SELENOF: variants seen among roughly 807,000 people sequenced by gnomAD.
The protein encoded by SELENOF is selenoprotein F, also known as 15 kDa selenoprotein.
Under a neutral mutation model 20.5 loss-of-function variants are expected in SELENOF, and 16 were observed. The observed-to-expected ratio is 0.78, with a 90% CI of 0.53 to 1.19. SELENOF has a LOEUF of 1.19. Among genes scored for constraint, SELENOF ranks in the 50% most tolerant of loss-of-function variants. The pLI is 0.00. For missense variants in SELENOF, 215 were observed against 194.2 expected, an observed-to-expected ratio of 1.11 and a Z score of -0.64; for synonymous variants, 78 against 74.5, an observed-to-expected ratio of 1.05 and a Z score of -0.24.
chr1:86,907,997 A>AG (rs1239080839), intron 1 of SELENOF, among the ~76,000 whole-genome samples: 1 of 141,796 alleles, frequency 7.1e-6, no homozygotes, highest in Non-Finnish European at 1.5e-5. Flanking sequence ...AAAAAAAAAA[A>AG]CAAAAAAAAA....
At chr1:86,908,104 GA>G (rs2102132451) in intron 1 of SELENOF, among the ~76,000 whole-genome samples, 1 of 152,146 alleles carries the variant, frequency 6.6e-6, no homozygotes, top group African/African-American at 2.4e-5. Context: ...TGGCAGCAGA[GA>G]AACTGGGTTA....
intron 2 of SELENOF, among the ~76,000 whole-genome samples, chr1:86,901,725 G>A (rs1411636372): frequency 6.6e-6 from 1 of 152,172 alleles, no homozygotes; most frequent in Non-Finnish European, 1.5e-5. Flanking sequence ...ATTAATTTTA[G>A]AGGTTTGTGG....
In SELENOF at chr1:86,863,190, AC is replaced by A; in HGVS notation, c.*283del. 1 of 272,852 alleles carries A rather than the reference AC, an allele frequency of 3.7e-6. No individual in the cohort carries two copies. Among genetic ancestry groups the A allele is most frequent in the Non-Finnish European group, 6.9e-6 (1 of 145,134 alleles). 16.9% of individuals were successfully genotyped at this position (272,852 alleles called of 1,614,324 possible). A position where few individuals can be genotyped will look rare whatever the true frequency, so the allele number is the denominator to read the frequency against. ...TGTTCGTAAAACTGGACCAATTATCACAAACTATCATTTGCATAATTAACCG... is the reference window on the plus strand; with the variant it reads ...TGTTCGTAAAACTGGACCAATTATCAAAACTATCATTTGCATAATTAACCG... On this transcript the variant is annotated 3_prime_UTR_variant, in exon 5 of 5. Coordinates refer to ENST00000331835, the MANE Select transcript of SELENOF (RefSeq NM_004261.5).
intron 2 of SELENOF, among the ~76,000 whole-genome samples, chr1:86,883,500 A>G (rs1243553684): frequency 6.6e-6 from 1 of 151,866 alleles, no homozygotes; most frequent in Non-Finnish European, 1.5e-5. Context: ...TACGTACACT[A>G]AATAGTGTAT....
At chr1:86,914,130 T>C, upstream of SELENOF, 1 of 1,613,504 alleles carries the variant, frequency 6.2e-7, no homozygotes, top group Non-Finnish European at 8.5e-7. Flanking sequence ...GGTTTCTGGC[T>C]GCCTAGAAGG....
intron 2 of SELENOF, among the ~76,000 whole-genome samples, chr1:86,898,580 CTT>C (rs747362493): frequency 2.2e-4 from 27 of 124,950 alleles, no homozygotes; most frequent in Admixed American, 3.2e-4. Flanking sequence ...TTCTCTTCTT[CTT>C]TTTTTTTTTT....
intron 2 of SELENOF, among the ~76,000 whole-genome samples, chr1:86,897,170 G>A (rs1270022681): frequency 6.6e-6 from 1 of 152,042 alleles, no homozygotes. Flanking sequence ...AGCTGGGCGT[G>A]GTGGCGGGTG....
chr1:86,884,216 T>C (rs1387382543), intron 2 of SELENOF, among the ~76,000 whole-genome samples: 1 of 152,150 alleles, frequency 6.6e-6, no homozygotes, highest in Non-Finnish European at 1.5e-5. Context: ...CAAGTTCCTT[T>C]GACAAAGTTT....
In SELENOF at chr1:86,868,107, TA is replaced by T; in HGVS notation, c.317-6del. ...GTTTATCACTCCTAACAAAAGCTTA[TA>T]AAAAAAGAAAAAAAGATTCAGTAGT... On this transcript the variant is annotated splice_polypyrimidine_tract_variant and splice_region_variant and intron_variant, in intron 3 of 4. Coordinates refer to ENST00000331835, the MANE Select transcript of SELENOF (RefSeq NM_004261.5). 25 of 1,454,120 alleles carry T rather than the reference TA, an allele frequency of 1.7e-5. No individual in the cohort carries two copies. The highest frequency in any genetic ancestry group is 6.2e-5 in the Admixed American group (3 of 48,246). 90.1% of individuals were successfully genotyped at this position (1,454,120 alleles called of 1,614,324 possible).
chr1:86,909,165 C>A (rs1006751203), intron 1 of SELENOF, among the ~76,000 whole-genome samples: 35 of 152,226 alleles, frequency 2.3e-4, no homozygotes, highest in African/African-American at 8.2e-4. Context: ...GATTTCACTA[C>A]TGCCAACTAC....
intron 2 of SELENOF, among the ~76,000 whole-genome samples, chr1:86,895,750 A>C (rs960918940): frequency 6.6e-6 from 1 of 152,238 alleles, no homozygotes; most frequent in Non-Finnish European, 1.5e-5. Flanking sequence ...TTATCTCCAG[A>C]GGTGCTCTGG....
At chr1:86,865,793 GA>G (rs1408929406) in intron 4 of SELENOF, among the ~76,000 whole-genome samples, 1 of 152,120 alleles carries the variant, frequency 6.6e-6, no homozygotes, top group Non-Finnish European at 1.5e-5. Context: ...AAAGAACTAA[GA>G]AAAGGGCCTT....
At chr1:86,898,135 A>G (rs1039282743) in intron 2 of SELENOF, among the ~76,000 whole-genome samples, 2 of 152,250 alleles carry the variant, frequency 1.3e-5, no homozygotes, top group South Asian at 2.1e-4. Flanking sequence ...GATTTTTACA[A>G]TAAGTCAACA....
At chr1:86,877,956 C>T (rs182000767) in intron 3 of SELENOF, among the ~76,000 whole-genome samples, 1 of 152,222 alleles carries the variant, frequency 6.6e-6, no homozygotes, top group Non-Finnish European at 1.5e-5. Context: ...AACCACATTA[C>T]TTTCTGAGAG....
intron 1 of SELENOF, among the ~76,000 whole-genome samples, chr1:86,904,217 G>C (rs548551552): frequency 4.7e-4 from 72 of 152,278 alleles, no homozygotes; most frequent in Middle Eastern, 3.4e-3. Flanking sequence ...GTGCAGGCAA[G>C]AGCACGCCAG....
intron 2 of SELENOF, among the ~76,000 whole-genome samples, chr1:86,900,018 C>T (rs1399600407): frequency 6.6e-6 from 1 of 151,352 alleles, no homozygotes; most frequent in Non-Finnish European, 1.5e-5. Context: ...CTCCTCACTT[C>T]CTAGATGGGA....
At chr1:86,899,623 G>C (rs1211411239) in intron 2 of SELENOF, among the ~76,000 whole-genome samples, 1 of 151,308 alleles carries the variant, frequency 6.6e-6, no homozygotes, top group Admixed American at 6.6e-5. Flanking sequence ...AGACGGGGCG[G>C]CTGGCCTGGC....
intron 3 of SELENOF, among the ~76,000 whole-genome samples, chr1:86,870,820 C>A (rs981038933): frequency 6.6e-6 from 1 of 152,040 alleles, no homozygotes; most frequent in Non-Finnish European, 1.5e-5. Flanking sequence ...GGGGTTTCAC[C>A]GCGTTAGCCA....
intron 4 of SELENOF, among the ~76,000 whole-genome samples, chr1:86,864,177 G>A (rs1337779471): frequency 1.3e-5 from 2 of 152,152 alleles, no homozygotes; most frequent in East Asian, 3.8e-4. Flanking sequence ...TGCAGACACA[G>A]AATCAATCAC....
Sources: gnomAD v4.1 joint callset for allele counts (sites outside exome capture counted in the v4.1 genomes callset) on GRCh38, gnomAD v4.1.1 for gene constraint, MANE v1.5 for transcripts, NCBI Gene and HGNC (gene_info 2026-07-23, HGNC 2026-07-21) for gene names.